PCBP4: variants seen among roughly 807,000 people sequenced by gnomAD.
PCBP4 encodes the protein poly(rC)-binding protein 4.
A neutral mutation model predicts 46.2 loss-of-function variants in PCBP4; 24 were observed. That is an observed-to-expected ratio of 0.52 (90% CI 0.38 to 0.73). PCBP4 has a LOEUF of 0.73. Ranked by LOEUF, PCBP4 falls within the 30% of genes least tolerant of loss-of-function variation. The pLI is 0.00. For missense variants in PCBP4, 407 were observed against 537.0 expected, an observed-to-expected ratio of 0.76 and a Z score of 2.39; for synonymous variants, 203 against 224.4, an observed-to-expected ratio of 0.90 and a Z score of 0.85.
At position 51,958,711 on chromosome 3, in the gene PCBP4, T is replaced by C; in HGVS notation, c.923+79A>G. The C allele has an allele frequency of 6.7e-7, 1 of 1,488,106 alleles. No individual in the cohort carries two copies. Among genetic ancestry groups the C allele is most frequent in the Middle Eastern group, 1.9e-4 (1 of 5,254 alleles). The allele number at this position is 1,488,106 out of a possible 1,614,324, so 92.2% of individuals were successfully genotyped here. A position where few individuals can be genotyped will look rare whatever the true frequency, so the allele number is the denominator to read the frequency against. On this transcript the variant is annotated intron_variant, in intron 13 of 13. Transcript: ENST00000461554. The surrounding 1 kb of genome is among the most constrained non-coding windows in gnomAD (Gnocchi z 5.4). ...GCCCAGACAGAGAGAGGAGGCCAGC[T>C]TCCTCTCCCCACCCCTGCCTTTCTT...
At position 51,959,594 on chromosome 3, in the gene PCBP4, G is replaced by T; in HGVS notation, c.574C>A (p.Leu192Ile). The part of the protein sequence containing the change: ...YHPSLSLGTV[L>I]LSANQGFSVQ... ...CCCCTCACCTGGTTGGCAGAGAGAA[G>T]AACAGTACCTAGGGAGAGGCTCGGA... is the stretch of plus-strand genomic sequence containing the variant. The change falls in exon 9 of 14, where the codon CTT (leucine) becomes ATT (isoleucine). Residue 192 changes from leucine to isoleucine, a missense_variant. Physicochemically the swap from Leu to Ile is conservative, Grantham distance 5. Coordinates refer to ENST00000461554, the MANE Select transcript of PCBP4 (RefSeq NM_001174100.2). The surrounding 1 kb of genome is among the most constrained non-coding windows in gnomAD (Gnocchi z 5.6). 1 of 1,552,944 alleles carries T rather than the reference G, an allele frequency of 6.4e-7. No individual in the cohort carries two copies.
rs1700074226 is a variant in PCBP4, at chr3:51,960,105, G to A, written c.388-82C>T. The A allele has an allele frequency of 5.6e-6, 9 of 1,613,844 alleles. No individual in the cohort carries two copies. Among genetic ancestry groups the A allele is most frequent in the African/African-American group, 1.3e-5 (1 of 74,938 alleles). ...GCCCAGGCTCAGAGCTCTCTAGGTG[G>A]GGAGGACGCCATAAGCCCAACACCC... is the stretch of plus-strand genomic sequence containing the variant. On this transcript the variant is annotated intron_variant, in intron 7 of 13. Coordinates refer to ENST00000461554, the MANE Select transcript of PCBP4 (RefSeq NM_001174100.2). The surrounding 1 kb of genome is among the most constrained non-coding windows in gnomAD (Gnocchi z 5.0).
rs150362720 is a variant in PCBP4, at chr3:51,960,290, T to A, written c.286A>T (p.Asn96Tyr). Residue 96 changes from asparagine to tyrosine, a missense_variant, in exon 7 of 14, where the codon AAT becomes TAT. Transcript: ENST00000461554. This position sits in a 1 kb window ranked among gnomAD's most constrained non-coding sequence, Gnocchi z 5.0. ...AGGGTCACTGGAGGCCTGGAGACAT[T>A]TCCACCATTTGCAGGAGCAGCACAA... is the stretch of plus-strand genomic sequence containing the variant. ...DLCAAPANGG[N>Y]VSRPPVTLRL... 4.2e-3 allele frequency: 6,760 copies of A among 1,613,980 alleles called. 21 individuals carry two copies. Among genetic ancestry groups the A allele is most frequent in the Middle Eastern group, 8.4e-3 (51 of 6,062 alleles).
chr3:51,961,672 GCCTCCTC>G, intron 2 of PCBP4: 1 of 762,406 alleles, frequency 1.3e-6, no homozygotes. Flanking sequence ...CAGGAGGAGA[GCCTCCTC>G]CCTGACCTCT....
chr3:51,958,804 G>A lies in PCBP4; in HGVS notation c.909C>T (p.Tyr303=), dbSNP rs375916932. 3 of 1,613,540 alleles carry A rather than the reference G, an allele frequency of 1.9e-6. No homozygotes were observed. The highest frequency in any genetic ancestry group is 1.7e-5 in the Admixed American group (1 of 59,998). The change falls in exon 13 of 14, where the codon TAC becomes TAT. Residue 303 remains tyrosine (Y), a synonymous_variant. Coordinates refer to ENST00000461554, the MANE Select transcript of PCBP4 (RefSeq NM_001174100.2). This position sits in a 1 kb window ranked among gnomAD's most constrained non-coding sequence, Gnocchi z 5.4. ...CCCGCGCTCACCAGGCAGTGATGAG[G>A]TACTGGGCCAGGGCGATGGAGACCG... ...GSPVSIALAQ[Y]LITACLETAK... is the part of the protein sequence containing the mutation.
chr3:51,958,447 A>C lies in PCBP4; in HGVS notation c.924-98T>G, dbSNP rs770278455. 21 of 831,922 alleles carry C rather than the reference A, an allele frequency of 2.5e-5. No individual in the cohort carries two copies. Among genetic ancestry groups the C allele is most frequent in the Non-Finnish European group, 3.6e-5 (20 of 558,968 alleles). 51.5% of individuals were successfully genotyped at this position (831,922 alleles called of 1,614,324 possible). A position where few individuals can be genotyped will look rare whatever the true frequency, so the allele number is the denominator to read the frequency against. ...GGCATGAGATTAGATGAAAGGCAAG[A>C]GAGAGGTAGTGAACAGAGAACAATA... On this transcript the variant is annotated intron_variant, in intron 13 of 13. Coordinates refer to ENST00000461554, the MANE Select transcript of PCBP4 (RefSeq NM_001174100.2). The surrounding 1 kb of genome is among the most constrained non-coding windows in gnomAD (Gnocchi z 5.4).
In PCBP4 at chr3:51,960,814, T is replaced by A; in HGVS notation, c.138+52A>T. On this transcript the variant is annotated intron_variant, in intron 5 of 13. Coordinates refer to ENST00000461554, the MANE Select transcript of PCBP4 (RefSeq NM_001174100.2). The surrounding 1 kb of genome is among the most constrained non-coding windows in gnomAD (Gnocchi z 5.0). ...GTTCAGAGAGAAAGTGGGGCAGGGA[T>A]CTCCCCTCCACATCAGGTGCCCTGG... 1 of 1,589,154 alleles carries A rather than the reference T, an allele frequency of 6.3e-7. No homozygotes were observed.
rs1180110147 is a variant in PCBP4, at chr3:51,959,819, A to T, written c.516+76T>A. On this transcript the variant is annotated intron_variant, in intron 8 of 13. Coordinates refer to ENST00000461554, the MANE Select transcript of PCBP4 (RefSeq NM_001174100.2). This position sits in a 1 kb window ranked among gnomAD's most constrained non-coding sequence, Gnocchi z 5.6. The stretch of plus-strand genomic sequence containing the variant: ...GCCCTGCCCCACCTGCAGCACAGGC[A>T]TAGGGTTTGGGGTCCCCGACAAGGC... The T allele has an allele frequency of 1.3e-6, 2 of 1,547,250 alleles. No homozygotes were observed. Among genetic ancestry groups the T allele is most frequent in the Non-Finnish European group, 1.7e-6 (2 of 1,146,508 alleles).
In PCBP4 at chr3:51,960,907, G is replaced by A. The variant is rs1410954024; in HGVS notation, c.106-9C>T. The A allele has an allele frequency of 6.2e-6, 10 of 1,614,082 alleles. No homozygotes were observed. Among genetic ancestry groups the A allele is most frequent in the Middle Eastern group, 1.6e-4 (1 of 6,062 alleles). ...TTTACAGTCTCGCCCTTCTGTGGGA[G>A]GTACAAAACAGATAATCACTCTTAA... On this transcript the variant is annotated splice_polypyrimidine_tract_variant and intron_variant, in intron 4 of 13. Coordinates refer to ENST00000461554, the MANE Select transcript of PCBP4 (RefSeq NM_001174100.2). This position sits in a 1 kb window ranked among gnomAD's most constrained non-coding sequence, Gnocchi z 5.0.
chr3:51,957,963 G>T lies in PCBP4; in HGVS notation c.*98C>A. On this transcript the variant is annotated 3_prime_UTR_variant, in exon 14 of 14. Coordinates refer to ENST00000461554, the MANE Select transcript of PCBP4 (RefSeq NM_001174100.2). The stretch of plus-strand genomic sequence containing the variant: ...ATCCATGCGTCTGGGCGTTAGCGGC[G>T]TTTGGGACCCCAGGGTGGAGTCTCC... 1 of 1,193,412 alleles carries T rather than the reference G, an allele frequency of 8.4e-7. No individual in the cohort carries two copies. The highest frequency in any genetic ancestry group is 1.2e-6 in the Non-Finnish European group (1 of 856,218). The allele number at this position is 1,193,412 out of a possible 1,614,324, so 73.9% of individuals were successfully genotyped here.
chr3:51,960,243 A>T lies in PCBP4; in HGVS notation c.333T>A (p.Ser111Arg). The change falls in exon 7 of 14, where the codon AGT becomes AGA. Residue 111 changes from serine (S) to arginine (R), a missense_variant. By Grantham distance (110) the Ser-to-Arg change is moderately radical. Transcript: ENST00000461554. This position sits in a 1 kb window ranked among gnomAD's most constrained non-coding sequence, Gnocchi z 5.0. ...PVTLRLVIPASQCGSLIGKAG... is the reference protein window; with the variant it reads ...PVTLRLVIPARQCGSLIGKAG... Reference sequence around the variant, plus strand: ...CCTTCCCAATCAGTGAGCCACACTGACTGGCAGGGATGACAAGGCGCAGGG... The same window carrying T: ...CCTTCCCAATCAGTGAGCCACACTGTCTGGCAGGGATGACAAGGCGCAGGG... 3 of 1,614,038 alleles carry T rather than the reference A, an allele frequency of 1.9e-6. No homozygotes were observed. Among genetic ancestry groups the T allele is most frequent in the Non-Finnish European group, 2.5e-6 (3 of 1,180,020 alleles).
chr3:51,961,624 C>T (rs1388740039), intron 2 of PCBP4: 3 of 373,924 alleles, frequency 8.0e-6, no homozygotes, highest in African/African-American at 2.1e-5. Flanking sequence ...TACCCTGAGA[C>T]ACTAAAAGAA....
Position 51,958,644 on chromosome 3 carries a change from A to C in PCBP4, c.923+146T>G. ...GCAACAGAGGGTGAATTAGGCAAAG[A>C]CCATGGGGAATTGGAGTAGGGTTAG... On this transcript the variant is annotated intron_variant, in intron 13 of 13. Transcript: ENST00000461554. This position sits in a 1 kb window ranked among gnomAD's most constrained non-coding sequence, Gnocchi z 5.4. 1.1e-6 allele frequency: 1 copy of C among 876,276 alleles called. No individual in the cohort carries two copies. Among genetic ancestry groups the C allele is most frequent in the Non-Finnish European group, 1.7e-6 (1 of 585,474 alleles). The allele number at this position is 876,276 out of a possible 1,614,324, so 54.3% of individuals were successfully genotyped here. A position where few individuals can be genotyped will look rare whatever the true frequency, so the allele number is the denominator to read the frequency against.
Position 51,960,759 on chromosome 3 carries a change from G to A in PCBP4, c.138+107C>T, listed in dbSNP as rs1700119089. ...CAAGGCTCAAAACTGCCACCCTCTG[G>A]GGGACTCACTGGTCAGCCCAGAAGG... On this transcript the variant is annotated intron_variant, in intron 5 of 13. Coordinates refer to ENST00000461554, the MANE Select transcript of PCBP4 (RefSeq NM_001174100.2). This position sits in a 1 kb window ranked among gnomAD's most constrained non-coding sequence, Gnocchi z 5.0. 1.4e-6 allele frequency: 2 copies of A among 1,479,484 alleles called. No homozygotes were observed. The highest frequency in any genetic ancestry group is 1.4e-5 in the African/African-American group (1 of 72,100). 91.6% of individuals were successfully genotyped at this position (1,479,484 alleles called of 1,614,324 possible).
At chr3:51,964,185 C>G (rs1451367186) in intron 1 of PCBP4, among the ~76,000 whole-genome samples, 1 of 152,222 alleles carries the variant, frequency 6.6e-6, no homozygotes, top group Non-Finnish European at 1.5e-5. Context: ...TTCTGCCACT[C>G]AGGCTGGAGG....
At chr3:51,964,152 G>T (rs1700305649) in intron 1 of PCBP4, among the ~76,000 whole-genome samples, 3 of 152,206 alleles carry the variant, frequency 2.0e-5, no homozygotes, top group Admixed American at 1.3e-4. Context: ...CAGCCCCAGT[G>T]CCCACTCCTC....
chr3:51,958,816 G>C lies in PCBP4; in HGVS notation c.897C>G (p.Ala299=), dbSNP rs1294293505. The C allele has an allele frequency of 6.2e-7, 1 of 1,613,764 alleles. No individual in the cohort carries two copies. Among genetic ancestry groups the C allele is most frequent in the South Asian group, 1.1e-5 (1 of 91,080 alleles). ...AGGCAGTGATGAGGTACTGGGCCAG[G>C]GCGATGGAGACCGGAGAGCCAGTGA... ...VTITGSPVSI[A]LAQYLITACL... is the part of the protein sequence containing the mutation. The change falls in exon 13 of 14, where the codon GCC becomes GCG. Residue 299 remains alanine (A), a synonymous_variant. Transcript: ENST00000461554. The surrounding 1 kb of genome is among the most constrained non-coding windows in gnomAD (Gnocchi z 5.4).
At position 51,963,615 on chromosome 3, in the gene PCBP4, T is replaced by C. The variant is rs563146048; in HGVS notation, c.-212-1527A>G. ...AAAATGGGGCAGGAGGGCTGGAACA[T>C]GGCCAGAACTAGAGCTTCTGCCATG... On this transcript the variant is annotated intron_variant, in intron 1 of 13. Transcript: ENST00000461554. 2.0e-5 allele frequency among the ~76,000 whole-genome samples: 3 copies of C among 152,272 alleles called. No homozygotes were observed. The South Asian group carries it at 6.2e-4, about 32-fold the overall frequency.
rs1368923218 is a variant in PCBP4 at position 51,960,553 on chromosome 3, G to A, written c.228C>T (p.Val76=). The A allele has an allele frequency of 1.9e-6, 3 of 1,613,862 alleles. No homozygotes were observed. The highest frequency in any genetic ancestry group is 2.5e-6 in the Non-Finnish European group (3 of 1,179,694). The part of the protein sequence containing the change: ...TGSTAAVFHA[V]SMIAFKLDED... ...CATCCAGTTTGAAAGCAATCATGGA[G>A]ACTGCATGGAAGACAGCTGCTGTAG... Residue 76 remains valine, a synonymous_variant, in exon 6 of 14, where the codon GTC becomes GTT. Coordinates refer to ENST00000461554, the MANE Select transcript of PCBP4 (RefSeq NM_001174100.2). This position sits in a 1 kb window ranked among gnomAD's most constrained non-coding sequence, Gnocchi z 5.0.
Sources: allele counts gnomAD v4.1 joint callset (sites outside exome capture counted in the v4.1 genomes callset), GRCh38; gene constraint gnomAD v4.1.1; non-coding constraint Gnocchi (gnomAD v3.1); transcripts MANE v1.5; gene names NCBI Gene and HGNC (gene_info 2026-07-23, HGNC 2026-07-21).